GRID2: variants seen among roughly 807,000 people sequenced by gnomAD.
GRID2 encodes glutamate ionotropic receptor delta type subunit 2.
GRID2 carries 33 observed loss-of-function variants against 114.8 expected under a neutral mutation model. The observed-to-expected ratio is 0.29, with a 90% CI of 0.22 to 0.38. GRID2 has a LOEUF of 0.38. Among genes scored for constraint, GRID2 ranks in the 10% least tolerant of loss-of-function variants. The probability of loss-of-function intolerance (pLI) is 1.00; values close to 1 mark genes in which losing one functional copy is unlikely to be tolerated. For missense variants in GRID2, 1,184 were observed against 1,257.7 expected, an observed-to-expected ratio of 0.94 and a Z score of 0.89; for synonymous variants, 505 against 449.9, an observed-to-expected ratio of 1.12 and a Z score of -1.55.
intron 2 of GRID2, among the ~76,000 whole-genome samples, chr4:92,718,904 A>T (rs961478654): frequency 6.6e-6 from 1 of 151,994 alleles, no homozygotes; most frequent in African/African-American, 2.4e-5. Context: ...CAAAACAAAC[A>T]ATTTATTGCA....
At chr4:92,694,593 G>T (rs556528451) in intron 2 of GRID2, among the ~76,000 whole-genome samples, 1 of 152,170 alleles carries the variant, frequency 6.6e-6, no homozygotes, top group South Asian at 2.1e-4. Flanking sequence ...AGGGTGGTTT[G>T]ATAATTAGTT....
At chr4:93,464,727 T>C (rs1015835401) in intron 11 of GRID2, among the ~76,000 whole-genome samples, 1 of 152,196 alleles carries the variant, frequency 6.6e-6, no homozygotes, top group African/African-American at 2.4e-5. Flanking sequence ...GATAAATGCA[T>C]GACCCACCAA....
intron 1 of GRID2, among the ~76,000 whole-genome samples, chr4:92,557,939 A>G (rs1426384738): frequency 1.3e-5 from 2 of 152,172 alleles, no homozygotes; most frequent in Admixed American, 6.6e-5. Context: ...ATAGAATCAC[A>G]GGGCCAGAAT....
intron 13 of GRID2, among the ~76,000 whole-genome samples, chr4:93,581,407 T>C (rs571216633): frequency 7.2e-5 from 11 of 152,256 alleles, no homozygotes; most frequent in Admixed American, 4.6e-4. Flanking sequence ...TGTTCATCAA[T>C]TAATCCCTAA....
rs114974097 is a variant in GRID2, at chr4:93,260,857, A to G, written c.1245+22367A>G. Among the ~76,000 whole-genome samples the G allele has an allele frequency of 5.4e-3, 824 of 151,968 alleles. 11 individuals are homozygous for G. The highest frequency in any genetic ancestry group is 0.019 in the African/African-American group (776 of 41,538). On this transcript the variant is annotated intron_variant, in intron 8 of 15. Transcript: ENST00000282020. ...AAAGAGACATGGTGTGGCAAGAATT[A>G]TACTGCAGAGATCTTTATTACATTC...
At chr4:93,220,639 C>G (rs1014024317) in intron 6 of GRID2, among the ~76,000 whole-genome samples, 2 of 151,988 alleles carry the variant, frequency 1.3e-5, no homozygotes, top group African/African-American at 4.8e-5. Flanking sequence ...CTAGAATATG[C>G]CTTAGATGTA....
chr4:93,799,440 T>A (rs72659541), intron 1 of GRID2, among the ~76,000 whole-genome samples: 1 of 146,706 alleles, frequency 6.8e-6, no homozygotes, highest in East Asian at 2.0e-4. Flanking sequence ...TGCAGCCCCT[T>A]TTTTTTTTTT....
At chr4:92,342,160 T>A (rs1394462125) in intron 1 of GRID2, among the ~76,000 whole-genome samples, 1 of 152,150 alleles carries the variant, frequency 6.6e-6, no homozygotes, top group Non-Finnish European at 1.5e-5. Context: ...TGCACTAAAA[T>A]GTAAATATGT....
chr4:93,712,867 C>T (rs1422729153), intron 14 of GRID2, among the ~76,000 whole-genome samples: 1 of 152,042 alleles, frequency 6.6e-6, no homozygotes, highest in East Asian at 1.9e-4. Flanking sequence ...AAAAGGCTTC[C>T]ACTTACACAG....
At chr4:93,341,830 AATATT>A (rs1471311333) in intron 8 of GRID2, among the ~76,000 whole-genome samples, 2 of 152,150 alleles carry the variant, frequency 1.3e-5, no homozygotes, top group African/African-American at 4.8e-5. Context: ...AACTGGGTGA[AATATT>A]ATGTTCTTAT....
chr4:93,219,406 G>T (rs891114937), intron 6 of GRID2, among the ~76,000 whole-genome samples: 1 of 152,032 alleles, frequency 6.6e-6, no homozygotes, highest in African/African-American at 2.4e-5. Context: ...AATAAAGTAT[G>T]GGGAAGCACC....
intron 11 of GRID2, among the ~76,000 whole-genome samples, chr4:93,480,161 G>C (rs1435459967): frequency 6.6e-6 from 1 of 151,992 alleles, no homozygotes; most frequent in Non-Finnish European, 1.5e-5. Flanking sequence ...ACTTAAATAA[G>C]CTATAGTAGA....
chr4:93,232,099 AT>A (rs1362937258), intron 7 of GRID2, among the ~76,000 whole-genome samples: 3 of 152,138 alleles, frequency 2.0e-5, no homozygotes, highest in Admixed American at 2.0e-4. Flanking sequence ...AACACATAAA[AT>A]TGTTTTGACT....
intron 3 of GRID2, among the ~76,000 whole-genome samples, chr4:93,105,494 AG>A (rs1483482273): frequency 6.6e-6 from 1 of 152,148 alleles, no homozygotes; most frequent in Admixed American, 6.6e-5. Context: ...ATAAGGTGTA[AG>A]GAAGGGATCC....
chr4:92,663,955 G>T (rs549090427), intron 2 of GRID2, among the ~76,000 whole-genome samples: 1 of 151,138 alleles, frequency 6.6e-6, no homozygotes, highest in Non-Finnish European at 1.5e-5. Flanking sequence ...CGTCCATGTT[G>T]TAGCATATGT....
At chr4:93,424,792 A>G (rs1768677785) in intron 10 of GRID2, among the ~76,000 whole-genome samples, 1 of 151,996 alleles carries the variant, frequency 6.6e-6, no homozygotes, top group Admixed American at 6.5e-5. Context: ...TGAGGCTCAG[A>G]GAATATTCAA....
chr4:93,383,942 G>A (rs886495429), intron 8 of GRID2, among the ~76,000 whole-genome samples: 5 of 152,212 alleles, frequency 3.3e-5, no homozygotes, highest in African/African-American at 1.2e-4. Context: ...AAGAAAAGGG[G>A]CTGTCTTAGA....
intron 2 of GRID2, among the ~76,000 whole-genome samples, chr4:92,990,095 G>A (rs770859320): frequency 1.3e-5 from 2 of 151,816 alleles, no homozygotes; most frequent in Admixed American, 6.6e-5. Flanking sequence ...ACTTGGAAGT[G>A]GAAATAGGCT....
In GRID2 at chr4:93,721,015, A is replaced by G. The variant is rs1729319741; in HGVS notation, c.2361-48195A>G. On this transcript the variant is annotated intron_variant, in intron 14 of 15. Coordinates refer to ENST00000282020, the MANE Select transcript of GRID2 (RefSeq NM_001510.4). ...GAGATTTGCCAGTAAAACATTCTCA[A>G]GTCCTTTATTAATCCCCATTTTTAA... 2.6e-5 allele frequency among the ~76,000 whole-genome samples: 4 copies of G among 152,188 alleles called. No individual in the cohort carries two copies. In the South Asian group the frequency reaches 8.3e-4, roughly 31 times the overall value.
Sources: allele counts gnomAD v4.1 joint callset (sites outside exome capture counted in the v4.1 genomes callset), GRCh38; gene constraint gnomAD v4.1.1; transcripts MANE v1.5; gene names NCBI Gene and HGNC (gene_info 2026-07-23, HGNC 2026-07-21).